The following SIPA1L3 variants were observed in gnomAD, a reference collection of about 807,000 sequenced individuals.
SIPA1L3 encodes the protein signal-induced proliferation-associated 1-like protein 3.
Under a neutral mutation model 150.1 loss-of-function variants are expected in SIPA1L3, and 59 were observed. That is an observed-to-expected ratio of 0.39 (90% confidence interval 0.32 to 0.49). The LOEUF (loss-of-function observed/expected upper bound fraction) is 0.49. Ranked by LOEUF, SIPA1L3 falls within the 20% of genes least tolerant of loss-of-function variation. The pLI is 0.86. For synonymous variants in SIPA1L3, 1,070 were observed against 1,077.6 expected, an observed-to-expected ratio of 0.99 and a Z score of 0.14; for missense variants, 2,211 against 2,489.5, an observed-to-expected ratio of 0.89 and a Z score of 2.38.
At chr19:38,186,890 A>G (rs1972692137) in intron 16 of SIPA1L3, among the ~76,000 whole-genome samples, 1 of 150,686 alleles carries the variant, frequency 6.6e-6, no homozygotes, top group South Asian at 2.1e-4. Flanking sequence ...CATCCCATGT[A>G]CAGCTACTCG....
At chr19:38,003,042 A>G (rs1040679336) in intron 1 of SIPA1L3, among the ~76,000 whole-genome samples, 1 of 152,114 alleles carries the variant, frequency 6.6e-6, no homozygotes, top group Non-Finnish European at 1.5e-5. Context: ...GCTACTCGGG[A>G]AGCTGAGGCA....
intron 9 of SIPA1L3, among the ~76,000 whole-genome samples, chr19:38,124,895 C>T (rs376235098): frequency 3.3e-5 from 5 of 151,848 alleles, no homozygotes; most frequent in African/African-American, 7.3e-5. Context: ...GCAGGCACTC[C>T]GCAGGCTGAG....
At chr19:38,007,615 TATTA>T (rs891624799) in intron 1 of SIPA1L3, among the ~76,000 whole-genome samples, 4 of 151,934 alleles carry the variant, frequency 2.6e-5, no homozygotes, top group African/African-American at 9.7e-5. Flanking sequence ...TTATTATTAT[TATTA>T]ATTCTTCTTC....
chr19:38,205,849 C>T (rs993493185), intron 21 of SIPA1L3, among the ~76,000 whole-genome samples: 2 of 152,182 alleles, frequency 1.3e-5, no homozygotes, highest in African/African-American at 2.4e-5. Flanking sequence ...GGTTGCGTTC[C>T]GGGAGCTCTA....
intron 1 of SIPA1L3, among the ~76,000 whole-genome samples, chr19:37,947,373 C>T (rs1462657169): frequency 6.6e-6 from 1 of 151,712 alleles, no homozygotes; most frequent in Non-Finnish European, 1.5e-5. Flanking sequence ...CCTGTAGTCC[C>T]AGCTACTCAG....
chr19:38,130,876 A>G (rs1404130172), intron 10 of SIPA1L3, 104 bp downstream of exon 10: 3 of 1,289,050 alleles, frequency 2.3e-6, no homozygotes, highest in African/African-American at 3.0e-5. Flanking sequence ...GAGGGGGGAT[A>G]GGCAGGCCCT....
At chr19:38,064,340 C>A (rs889653205) in intron 2 of SIPA1L3, among the ~76,000 whole-genome samples, 3 of 152,216 alleles carry the variant, frequency 2.0e-5, no homozygotes, top group African/African-American at 7.2e-5. Flanking sequence ...CCCAGAGGAA[C>A]AAGGGTTCCT....
At chr19:38,102,499 G>A (rs916806348) in intron 6 of SIPA1L3, among the ~76,000 whole-genome samples, 15 of 146,392 alleles carry the variant, frequency 1.0e-4, no homozygotes, top group African/African-American at 3.8e-4. Context: ...ACTCACACCT[G>A]TAATCCCAAC....
At chr19:37,919,174 C>A (rs921305361) in intron 1 of SIPA1L3, among the ~76,000 whole-genome samples, 1 of 152,136 alleles carries the variant, frequency 6.6e-6, no homozygotes, top group Non-Finnish European at 1.5e-5. Context: ...CAGGTTGAAT[C>A]CTGGCCTTCT....
At chr19:38,159,188 C>T (rs1243491021) in intron 13 of SIPA1L3, among the ~76,000 whole-genome samples, 1 of 152,212 alleles carries the variant, frequency 6.6e-6, no homozygotes, top group Non-Finnish European at 1.5e-5. Context: ...CGCGGTGACA[C>T]CCTCAACTGA....
At chr19:38,041,273 ATTTT>A (rs35807588) in intron 2 of SIPA1L3, among the ~76,000 whole-genome samples, 1 of 72,520 alleles carries the variant, frequency 1.4e-5, no homozygotes, top group Non-Finnish European at 2.4e-5. Context: ...CGCTCAGCTA[ATTTT>A]TTTTTTTTTT....
At position 37,932,131 on chromosome 19, in the gene SIPA1L3, C is replaced by T. The variant is rs112673792; in HGVS notation, c.-379+24773C>T. The stretch of plus-strand genomic sequence containing the variant: ...TGAGCTAGTGCCTCCTCTGCACGGG[C>T]CAAGGAGCCCGCCTTTAGATTGTAC... On this transcript the variant is annotated intron_variant, in intron 1 of 21. Transcript: ENST00000222345. 5.4e-3 allele frequency among the ~76,000 whole-genome samples: 820 copies of T among 152,312 alleles called. 7 individuals carry two copies. Among genetic ancestry groups the T allele is most frequent in the African/African-American group, 0.019 (796 of 41,558 alleles).
At chr19:37,962,142 C>T (rs353415) in intron 1 of SIPA1L3, among the ~76,000 whole-genome samples, 44,709 of 147,920 alleles carry the variant, frequency 0.3, 8,406 homozygotes, top group East Asian at 0.68. Context: ...ATTTTTCTTT[C>T]ATTCTTTTTT....
chr19:38,160,080 C>G (rs376587573), intron 13 of SIPA1L3, among the ~76,000 whole-genome samples: 152 of 152,212 alleles, frequency 1.0e-3, no homozygotes, highest in African/African-American at 2.8e-3. Context: ...GGCGCGATCT[C>G]GGCTCACTGC....
intron 10 of SIPA1L3, among the ~76,000 whole-genome samples, chr19:38,132,831 A>G (rs766610205): frequency 1.9e-4 from 29 of 151,928 alleles, no homozygotes; most frequent in Non-Finnish European, 3.7e-4. Flanking sequence ...TATTTTTAGT[A>G]GAGCTGGGGT....
chr19:38,174,833 CA>C lies in SIPA1L3; in HGVS notation c.4209-7672del, dbSNP rs112969587. ...TGGGTGACAGAACTAGACTCTTTCT[CA>C]AAAAAAAAAAAAAGGATCCTCCATC... On this transcript the variant is annotated intron_variant, in intron 15 of 21. Transcript: ENST00000222345. 5.8e-3 allele frequency among the ~76,000 whole-genome samples: 748 copies of C among 128,976 alleles called. 2 individuals are homozygous for C. Among genetic ancestry groups the C allele is most frequent in the African/African-American group, 0.013 (442 of 35,054 alleles). The allele number at this position is 128,976 out of a possible 152,430, so 84.6% of individuals were successfully genotyped here.
chr19:38,031,786 T>A lies in SIPA1L3; in HGVS notation c.-311+2630T>A, dbSNP rs561314028. ...AAGTGAGACCCTAGCTCTAAAAAAA[T>A]AAAATAGAAACAAATTAGCCAGGTG... On this transcript the variant is annotated intron_variant, in intron 2 of 21. Coordinates refer to ENST00000222345, the MANE Select transcript of SIPA1L3 (RefSeq NM_015073.3). Among the ~76,000 whole-genome samples, 23 of 152,114 alleles carry A rather than the reference T, an allele frequency of 1.5e-4. No homozygotes were observed. In the East Asian group the frequency reaches 4.4e-3, roughly 29 times the overall value.
chr19:38,182,789 C>T (rs752273935), intron 16 of SIPA1L3, 49 bp downstream of exon 16: 7 of 1,454,798 alleles, frequency 4.8e-6, no homozygotes, highest in East Asian at 2.3e-5. Context: ...CACACCAGGG[C>T]GTCTCCGGGG....
rs1416024634 is a variant in SIPA1L3, at chr19:38,101,232, T to C, written c.2029+6T>C. The C allele has an allele frequency of 1.3e-6, 2 of 1,534,210 alleles. No homozygotes were observed. The highest frequency in any genetic ancestry group is 2.4e-5 in the East Asian group (1 of 42,264). On this transcript the variant is annotated splice_donor_region_variant and intron_variant, in intron 6 of 21. Transcript: ENST00000222345. ...TGCCCAGCTGGACGTCAAGAGTAAG[T>C]AGGGGGCCGGTTAGATCACAGTGAG...
Sources: gnomAD v4.1 joint callset for allele counts (sites outside exome capture counted in the v4.1 genomes callset) on GRCh38, gnomAD v4.1.1 for gene constraint, MANE v1.5 for transcripts, NCBI Gene and HGNC (gene_info 2026-07-23, HGNC 2026-07-21) for gene names.